Variants in GNA14 observed in about 807,000 individuals in gnomAD.
GNA14 encodes the protein guanine nucleotide-binding protein subunit alpha-14.
In GNA14, 50 loss-of-function variants were observed where a neutral mutation model predicts 42.0. The ratio of observed to expected loss-of-function variants is 1.19; its 90% CI spans 0.95 to 1.51. GNA14 has a LOEUF of 1.51. Ranked by LOEUF, GNA14 falls within the 40% of genes most tolerant of loss-of-function variation. The pLI, the probability that GNA14 is intolerant of heterozygous loss-of-function variation, is 0.00. For missense variants in GNA14, 473 were observed against 446.2 expected (o/e 1.06, Z -0.54); for synonymous variants, 173 against 163.1 (o/e 1.06, Z -0.46).
At chr9:77,431,485 T>TA in intron 3 of GNA14, 36 bp from the exon 4 acceptor site, 1 of 1,576,278 alleles carries the variant, frequency 6.3e-7, no homozygotes, top group East Asian at 2.3e-5. Context: ...ACTCTCCTTT[T>TA]AGAGCAGGGG....
At chr9:77,591,897 A>C (rs1222023121) in intron 1 of GNA14, among the ~76,000 whole-genome samples, 2 of 148,266 alleles carry the variant, frequency 1.3e-5, no homozygotes, top group Non-Finnish European at 3.0e-5. Flanking sequence ...GTTCATGTCC[A>C]GCACCGTTTT....
At chr9:77,554,505 C>T (rs554587164) in intron 1 of GNA14, among the ~76,000 whole-genome samples, 1 of 152,150 alleles carries the variant, frequency 6.6e-6, no homozygotes, top group Non-Finnish European at 1.5e-5. Context: ...GCTGTCTGTT[C>T]TGTTTCCTCT....
At chr9:77,511,982 G>A (rs11145452) in intron 2 of GNA14, among the ~76,000 whole-genome samples, 31,151 of 152,012 alleles carry the variant, frequency 0.2, 3,412 homozygotes, top group East Asian at 0.4. Flanking sequence ...CATGGGCTCC[G>A]TATTGGCTGC....
intron 1 of GNA14, among the ~76,000 whole-genome samples, chr9:77,612,435 C>A (rs558078241): frequency 1.3e-5 from 2 of 152,232 alleles, no homozygotes; most frequent in East Asian, 3.9e-4. Context: ...TCTTGTCAGG[C>A]CAAACACTTC....
In GNA14 at chr9:77,608,812, A is replaced by G. The variant is rs143851257; in HGVS notation, c.124+38858T>C. On this transcript the variant is annotated intron_variant, in intron 1 of 6. Transcript: ENST00000341700. Reference sequence around the variant, plus strand: ...CCCCATAGCACCTTGGCGATGGCCCAACATCCTTCTTTCAGTCACTCCTGT... The same window carrying G: ...CCCCATAGCACCTTGGCGATGGCCCGACATCCTTCTTTCAGTCACTCCTGT... Among the ~76,000 whole-genome samples, 932 of 144,636 alleles carry G rather than the reference A, an allele frequency of 6.4e-3. 8 individuals are homozygous for G. Among genetic ancestry groups the G allele is most frequent in the African/African-American group, 0.022 (879 of 39,238 alleles). 94.9% of individuals were successfully genotyped at this position (144,636 alleles called of 152,430 possible).
chr9:77,646,672 G>C (rs1166910973), intron 1 of GNA14, among the ~76,000 whole-genome samples: 1 of 152,080 alleles, frequency 6.6e-6, no homozygotes, highest in Non-Finnish European at 1.5e-5. Flanking sequence ...AGGGGTGAAA[G>C]AAAAAAAGTT....
Position 77,583,589 on chromosome 9 carries a change from G to C in GNA14, c.125-54336C>G, listed in dbSNP as rs559853882. The stretch of plus-strand genomic sequence containing the variant: ...GACCTACTTCTGAGTGTATGTGTGA[G>C]AGACACTGAACAGCCTAACTCCTGT... On this transcript the variant is annotated intron_variant, in intron 1 of 6. Transcript: ENST00000341700. Among the ~76,000 whole-genome samples, 3 of 152,264 alleles carry C rather than the reference G, an allele frequency of 2.0e-5. No homozygotes were observed. The South Asian group carries it at 6.2e-4, about 32-fold the overall frequency.
rs146145940 is a variant in GNA14 at position 77,642,486 on chromosome 9, C to A, written c.124+5184G>T. 2.0e-5 allele frequency among the ~76,000 whole-genome samples: 3 copies of A among 152,260 alleles called. No homozygotes were observed. In the East Asian group the frequency reaches 5.8e-4, roughly 29 times the overall value. The stretch of plus-strand genomic sequence containing the variant: ...ATAACTGGTTAAAATAAAACACAGG[C>A]CAGGTACGGTGGCTCATGCATGTAA... On this transcript the variant is annotated intron_variant, in intron 1 of 6. Coordinates refer to ENST00000341700, the MANE Select transcript of GNA14 (RefSeq NM_004297.4).
chr9:77,521,990 G>T (rs906465485), intron 2 of GNA14, among the ~76,000 whole-genome samples: 1 of 152,006 alleles, frequency 6.6e-6, no homozygotes, highest in African/African-American at 2.4e-5. Flanking sequence ...GCGCCACCAC[G>T]CCCGGCTAAT....
chr9:77,598,309 T>G (rs549008937), intron 1 of GNA14, among the ~76,000 whole-genome samples: 1 of 152,250 alleles, frequency 6.6e-6, no homozygotes, highest in South Asian at 2.1e-4. Flanking sequence ...AGACAAATAT[T>G]TGTCAATTGA....
intron 1 of GNA14, among the ~76,000 whole-genome samples, chr9:77,593,390 T>G (rs1051901184): frequency 6.6e-6 from 1 of 151,000 alleles, no homozygotes; most frequent in African/African-American, 2.5e-5. Context: ...TGCAGTGGTG[T>G]GATCTTGGCT....
chr9:77,522,636 G>C (rs979337770), intron 2 of GNA14, among the ~76,000 whole-genome samples: 1 of 152,074 alleles, frequency 6.6e-6, no homozygotes, highest in Non-Finnish European at 1.5e-5. Context: ...AGTGGTTCTC[G>C]ACCCTGGCTG....
At chr9:77,613,133 T>G (rs534008751) in intron 1 of GNA14, among the ~76,000 whole-genome samples, 1 of 152,224 alleles carries the variant, frequency 6.6e-6, no homozygotes, top group Non-Finnish European at 1.5e-5. Flanking sequence ...ACTCATTCCA[T>G]TGGACCAGGG....
intron 1 of GNA14, among the ~76,000 whole-genome samples, chr9:77,645,304 A>G (rs1299521116): frequency 6.6e-6 from 1 of 152,182 alleles, no homozygotes; most frequent in East Asian, 1.9e-4. Flanking sequence ...TTTTCACTCG[A>G]ATTGCATGAC....
chr9:77,571,806 CTTA>C (rs1823065112), intron 1 of GNA14, among the ~76,000 whole-genome samples: 1 of 149,976 alleles, frequency 6.7e-6, no homozygotes, highest in South Asian at 2.1e-4. Flanking sequence ...CATTTAAGGA[CTTA>C]TTATTTTTAA....
intron 1 of GNA14, among the ~76,000 whole-genome samples, chr9:77,556,116 T>C (rs1237333763): frequency 6.6e-6 from 1 of 152,074 alleles, no homozygotes. Flanking sequence ...TGATGGTGGG[T>C]GCCTGTAGTC....
chr9:77,511,011 T>A (rs1053373884), intron 2 of GNA14, among the ~76,000 whole-genome samples: 1 of 150,410 alleles, frequency 6.6e-6, no homozygotes. Context: ...TAGAGTTGGA[T>A]CTCAAGCCCC....
intron 1 of GNA14, among the ~76,000 whole-genome samples, chr9:77,537,041 T>C (rs1455934011): frequency 6.6e-6 from 1 of 152,198 alleles, no homozygotes; most frequent in Non-Finnish European, 1.5e-5. Context: ...ATTTGGGGTA[T>C]CCATCACCTT....
At chr9:77,633,099 A>G (rs541682441) in intron 1 of GNA14, among the ~76,000 whole-genome samples, 1 of 152,164 alleles carries the variant, frequency 6.6e-6, no homozygotes, top group Non-Finnish European at 1.5e-5. Flanking sequence ...TAGTCTCTAC[A>G]CTCATAAAAT....
Sources: gnomAD v4.1 joint callset for allele counts (sites outside exome capture counted in the v4.1 genomes callset) on GRCh38, gnomAD v4.1.1 for gene constraint, MANE v1.5 for transcripts, NCBI Gene and HGNC (gene_info 2026-07-23, HGNC 2026-07-21) for gene names.